Variants in NAALADL2 observed in about 807,000 individuals in gnomAD.
The protein encoded by NAALADL2 is inactive N-acetylated-alpha-linked acidic dipeptidase-like protein 2.
NAALADL2 carries 76 observed loss-of-function variants against 87.2 expected under a neutral mutation model. The ratio of observed to expected loss-of-function variants is 0.87; its 90% confidence interval spans 0.72 to 1.05. The LOEUF (loss-of-function observed/expected upper bound fraction) is 1.05. Ranked by LOEUF, NAALADL2 falls within the 50% of genes least tolerant of loss-of-function variation. NAALADL2 has a pLI of 0.00. For synonymous variants in NAALADL2, 354 were observed against 331.0 expected (o/e 1.07, Z -0.75); for missense variants, 1,089 against 945.8 (o/e 1.15, Z -1.99).
intron 5 of NAALADL2, among the ~76,000 whole-genome samples, chr3:175,406,152 G>C (rs111263564): frequency 6.6e-6 from 1 of 152,306 alleles, no homozygotes; most frequent in South Asian, 2.1e-4. Context: ...CAAGGTAATA[G>C]CTGCAAAATG....
chr3:174,598,771 C>T (rs901093143), intron 2 of NAALADL2, among the ~76,000 whole-genome samples: 1 of 152,258 alleles, frequency 6.6e-6, no homozygotes, highest in Non-Finnish European at 1.5e-5. Flanking sequence ...TACATAGATA[C>T]TTTAGCAAAT....
intron 13 of NAALADL2, among the ~76,000 whole-genome samples, chr3:175,781,811 C>G (rs989194086): frequency 6.6e-6 from 1 of 151,934 alleles, no homozygotes; most frequent in South Asian, 2.1e-4. Context: ...GCTGCACCCA[C>G]TAACTCGTCA....
chr3:175,683,043 TGAAACAGAAAATTGTGAGAGGTGATACAA>T (rs1735797439), intron 11 of NAALADL2, among the ~76,000 whole-genome samples: 1 of 151,984 alleles, frequency 6.6e-6, no homozygotes, highest in Admixed American at 6.5e-5. Context: ...TGTTGATATA[TGAAACAGAAAATTGTGAGAGGTGATACAA>T]GAAACAGAAA....
At chr3:174,467,034 T>G (rs1445103387) in intron 1 of NAALADL2, among the ~76,000 whole-genome samples, 1 of 152,166 alleles carries the variant, frequency 6.6e-6, no homozygotes, top group Non-Finnish European at 1.5e-5. Flanking sequence ...TTATGGTTTA[T>G]GTAGTCTATC....
At chr3:175,397,563 TTC>T (rs1375376022) in intron 5 of NAALADL2, among the ~76,000 whole-genome samples, 4 of 152,152 alleles carry the variant, frequency 2.6e-5, no homozygotes, top group African/African-American at 9.7e-5. Context: ...CCAGTTATAA[TTC>T]TGTTATCTTG....
intron 2 of NAALADL2, among the ~76,000 whole-genome samples, chr3:174,727,523 G>T (rs1288590825): frequency 6.6e-6 from 1 of 151,962 alleles, no homozygotes; most frequent in Non-Finnish European, 1.5e-5. Context: ...CACACAGTAT[G>T]TGTGTTTTAA....
intron 1 of NAALADL2, among the ~76,000 whole-genome samples, chr3:175,006,661 G>T (rs1049351040): frequency 6.7e-6 from 1 of 149,802 alleles, no homozygotes; most frequent in East Asian, 2.0e-4. Flanking sequence ...AAAAAAAATT[G>T]TTTTTCTGCT....
chr3:175,628,409 A>G (rs1305963578), intron 11 of NAALADL2, among the ~76,000 whole-genome samples: 1 of 151,334 alleles, frequency 6.6e-6, no homozygotes, highest in African/African-American at 2.4e-5. Context: ...AAATGTGTGT[A>G]TTTTTATAGC....
intron 2 of NAALADL2, among the ~76,000 whole-genome samples, chr3:174,599,213 G>C (rs991250541): frequency 1.1e-4 from 17 of 152,162 alleles, no homozygotes; most frequent in African/African-American, 3.9e-4. Flanking sequence ...GCTCGACTGA[G>C]TGCTTTCACT....
chr3:175,225,749 T>G (rs975316771), intron 2 of NAALADL2, among the ~76,000 whole-genome samples: 1 of 152,106 alleles, frequency 6.6e-6, no homozygotes, highest in Non-Finnish European at 1.5e-5. Context: ...CCACCCAAGT[T>G]TGAAGACTCG....
intron 5 of NAALADL2, among the ~76,000 whole-genome samples, chr3:175,424,119 T>C (rs1320155384): frequency 1.3e-5 from 2 of 152,146 alleles, no homozygotes; most frequent in African/African-American, 2.4e-5. Context: ...GGTTGTTTGA[T>C]TTTTTTCTTG....
chr3:174,826,053 GACA>G lies in NAALADL2; in HGVS notation c.-9+88327_-9+88329del, dbSNP rs890058578. 9.2e-3 allele frequency among the ~76,000 whole-genome samples: 1,041 copies of G among 112,820 alleles called. 12 individuals are homozygous for G. Among genetic ancestry groups the G allele is most frequent in the African/African-American group, 0.024 (725 of 29,818 alleles). The allele number at this position is 112,820 out of a possible 152,430, so 74.0% of individuals were successfully genotyped here. ...AAACAACAACAACAACAACAACAAC[GACA>G]ACAACAACAACAACAACAATCAAAC... is the stretch of plus-strand genomic sequence containing the variant. On this transcript the variant is annotated intron_variant, in intron 3 of 3. Transcript: ENST00000434257.
chr3:174,526,352 C>G (rs747133738), intron 1 of NAALADL2, among the ~76,000 whole-genome samples: 11 of 152,194 alleles, frequency 7.2e-5, no homozygotes, highest in Admixed American at 3.3e-4. Context: ...CTGCTACTTA[C>G]TAGCTGTGTG....
intron 11 of NAALADL2, among the ~76,000 whole-genome samples, chr3:175,636,693 A>C (rs931425638): frequency 5.5e-5 from 8 of 144,700 alleles, no homozygotes; most frequent in Non-Finnish European, 1.1e-4. Flanking sequence ...GCAAGACTCC[A>C]TCTAAAAAAA....
chr3:175,010,481 A>G (rs560408106), intron 1 of NAALADL2, among the ~76,000 whole-genome samples: 130 of 152,168 alleles, frequency 8.5e-4, no homozygotes, highest in Admixed American at 3.7e-3. Flanking sequence ...ACTGCTTCCA[A>G]ATGTTTGTTT....
intron 2 of NAALADL2, among the ~76,000 whole-genome samples, chr3:175,224,229 G>T (rs547298070): frequency 7.9e-5 from 12 of 152,236 alleles, no homozygotes; most frequent in African/African-American, 2.9e-4. Context: ...ATATTGATTA[G>T]ATGTTCTTAT....
chr3:174,773,642 A>G (rs1714848545), intron 3 of NAALADL2, among the ~76,000 whole-genome samples: 1 of 152,144 alleles, frequency 6.6e-6, no homozygotes. Flanking sequence ...CATATATCAA[A>G]TATTTCCAGG....
At chr3:174,473,702 C>CAATATTGACTTTGGACTAAAA (rs1717045738) in intron 1 of NAALADL2, among the ~76,000 whole-genome samples, 4 of 151,832 alleles carry the variant, frequency 2.6e-5, no homozygotes, top group Admixed American at 2.6e-4. Context: ...GAGATGGTGA[C>CAATATTGACTTTGGACTAAAA]AATATTGACT....
chr3:175,555,568 A>T lies in NAALADL2; in HGVS notation c.1654-20473A>T, dbSNP rs114808675. Among the ~76,000 whole-genome samples the T allele has an allele frequency of 8.9e-3, 1,349 of 152,290 alleles. 24 individuals are homozygous for T. Among genetic ancestry groups the T allele is most frequent in the African/African-American group, 0.031 (1,281 of 41,552 alleles). On this transcript the variant is annotated intron_variant, in intron 9 of 13. Transcript: ENST00000454872. ...CCAACTGTATCACAAGCTCCTTGAC[A>T]ATATAAAATACATATTTGTTCATAA...
Sources: gnomAD v4.1 joint callset for allele counts (sites outside exome capture counted in the v4.1 genomes callset) on GRCh38, gnomAD v4.1.1 for gene constraint, MANE v1.5 for transcripts, NCBI Gene and HGNC (gene_info 2026-07-23, HGNC 2026-07-21) for gene names.